The following GJC1 variants were observed in gnomAD, a reference collection of about 807,000 sequenced individuals.
GJC1 encodes gap junction protein gamma 1.
GJC1 carries 5 observed loss-of-function variants against 29.3 expected under a neutral mutation model. The ratio of observed to expected loss-of-function variants is 0.17; its 90% CI spans 0.09 to 0.36. The LOEUF (loss-of-function observed/expected upper bound fraction) is 0.36. Ranked by LOEUF, GJC1 falls within the 10% of genes least tolerant of loss-of-function variation. The pLI is 1.00. For missense variants in GJC1, 310 were observed against 496.2 expected (o/e 0.62, Z 3.56); for synonymous variants, 177 against 183.3 (o/e 0.97, Z 0.28).
chr17:44,822,548 C>T (rs1361573535), intron 1 of GJC1, among the ~76,000 whole-genome samples: 3 of 146,606 alleles, frequency 2.0e-5, no homozygotes, highest in Non-Finnish European at 3.0e-5. Flanking sequence ...GAGGCTGAGG[C>T]AGGAGAATCG....
chr17:44,797,365 G>C (rs2049790401), downstream of GJC1, among the ~76,000 whole-genome samples: 1 of 152,098 alleles, frequency 6.6e-6, no homozygotes, highest in Admixed American at 6.6e-5. Context: ...CTTGGCCTAG[G>C]AATCTGTATG....
intron 1 of GJC1, among the ~76,000 whole-genome samples, chr17:44,824,848 GA>G (rs1290992532): frequency 8.2e-6 from 1 of 121,638 alleles, no homozygotes; most frequent in Non-Finnish European, 1.7e-5. Flanking sequence ...GCAATAGTGA[GA>G]AGGGGGGGAA....
intron 1 of GJC1, among the ~76,000 whole-genome samples, chr17:44,826,691 T>A (rs967484994): frequency 6.6e-6 from 1 of 152,184 alleles, no homozygotes; most frequent in African/African-American, 2.4e-5. Context: ...CAAGAATGTA[T>A]AACTGTATGC....
At position 44,800,740 on chromosome 17, in the gene GJC1, G is replaced by A. The variant is rs928699598; in HGVS notation, c.*3887C>T. 4.0e-5 allele frequency: 6 copies of A among 151,690 alleles called. No individual in the cohort carries two copies. The highest frequency in any genetic ancestry group is 1.5e-4 in the African/African-American group (6 of 41,290). The allele number at this position is 151,690 out of a possible 1,614,324, so 9.4% of individuals were successfully genotyped here. On this transcript the variant is annotated 3_prime_UTR_variant, in exon 3 of 3. Coordinates refer to ENST00000592524, the MANE Select transcript of GJC1 (RefSeq NM_005497.4). ...CATCACAGTCCAACTTTTTTTTTAA[G>A]CGCCAAGTTCAAACAAGTGACCAAT...
At chr17:44,812,631 G>A (rs562075184) in intron 1 of GJC1, among the ~76,000 whole-genome samples, 2 of 151,880 alleles carry the variant, frequency 1.3e-5, no homozygotes, top group East Asian at 1.9e-4. Flanking sequence ...TTTACTAAGG[G>A]ATCTAGTAGT....
chr17:44,817,402 G>A (rs1450569104), intron 1 of GJC1, among the ~76,000 whole-genome samples: 1 of 151,080 alleles, frequency 6.6e-6, no homozygotes, highest in African/African-American at 2.4e-5. Flanking sequence ...CAGTCTTTAG[G>A]ATCAGAACTG....
chr17:44,826,455 G>A (rs991225122), intron 1 of GJC1, among the ~76,000 whole-genome samples: 6 of 151,838 alleles, frequency 4.0e-5, no homozygotes, highest in African/African-American at 9.7e-5. Context: ...GCATGAACTC[G>A]GGAGGTGGAG....
chr17:44,817,920 A>G (rs764411176), intron 1 of GJC1, among the ~76,000 whole-genome samples: 10 of 149,886 alleles, frequency 6.7e-5, no homozygotes, highest in Non-Finnish European at 1.3e-4. Context: ...ACAACAAAAG[A>G]AAAAGCACAA....
At chr17:44,817,198 G>T (rs1468516137) in intron 1 of GJC1, among the ~76,000 whole-genome samples, 1 of 150,896 alleles carries the variant, frequency 6.6e-6, no homozygotes, top group Non-Finnish European at 1.5e-5. Flanking sequence ...AAGAGCAAAA[G>T]TCTGTCTCAA....
intron 1 of GJC1, among the ~76,000 whole-genome samples, chr17:44,816,631 G>C (rs1300326327): frequency 1.3e-5 from 2 of 151,952 alleles, no homozygotes; most frequent in South Asian, 4.2e-4. Context: ...TCAGCTTCTC[G>C]AGTAGCTGGG....
Position 44,805,174 on chromosome 17 carries a change from G to A in GJC1, c.644C>T (p.Pro215Leu). 6.2e-7 allele frequency: 1 copy of A among 1,614,092 alleles called. No homozygotes were observed. The highest frequency in any genetic ancestry group is 1.3e-5 in the African/African-American group (1 of 75,020). Residue 215 changes from proline to leucine, a missense_variant, in exon 3 of 3, where the codon CCT (proline) becomes CTT (leucine). Physicochemically the swap from Pro to Leu is moderately conservative, Grantham distance 98. Around this residue, in one of 4 missense-constraint regions of GJC1, gnomAD observed 45 missense variants for 126.2 expected, o/e 0.36. Coordinates refer to ENST00000592524, the MANE Select transcript of GJC1 (RefSeq NM_005497.4). This position sits in a 1 kb window ranked among gnomAD's most constrained non-coding sequence, Gnocchi z 5.1. ...PFYVCSRLPCPHKIDCFISRP... is the reference protein window; with the variant it reads ...PFYVCSRLPCLHKIDCFISRP... ...AGAAATAAAGCAGTCTATCTTATGA[G>A]GACAAGGAAGTCTGCTGCACACATA...
chr17:44,825,520 C>T (rs759259187), intron 1 of GJC1, among the ~76,000 whole-genome samples: 11 of 151,834 alleles, frequency 7.2e-5, no homozygotes, highest in Non-Finnish European at 1.3e-4. Flanking sequence ...CAGTGGTTCG[C>T]GTCTGTAATC....
At chr17:44,823,494 C>A (rs1361990487) in intron 1 of GJC1, among the ~76,000 whole-genome samples, 1 of 151,860 alleles carries the variant, frequency 6.6e-6, no homozygotes, top group African/African-American at 2.4e-5. Context: ...TCATGATCCC[C>A]CCGCCTCGGC....
At chr17:44,808,119 T>C (rs567901521) in intron 1 of GJC1, among the ~76,000 whole-genome samples, 3 of 152,126 alleles carry the variant, frequency 2.0e-5, no homozygotes, top group African/African-American at 7.2e-5. Flanking sequence ...CCAAATGTCA[T>C]CCATAAGGCG....
At position 44,830,098 on chromosome 17, in the gene GJC1, G is replaced by C. The variant is rs2050215437; in HGVS notation, c.-133C>G. On this transcript the variant is annotated 5_prime_UTR_variant, in exon 1 of 3. Coordinates refer to ENST00000592524, the MANE Select transcript of GJC1 (RefSeq NM_005497.4). This position sits in a 1 kb window ranked among gnomAD's most constrained non-coding sequence, Gnocchi z 4.3. ...TTCCCCCGGAGCCGCCTCCTCCGCCGGGCCTCGGCCCGTCCCGCCGGTCGC... is the reference window on the plus strand; with the variant it reads ...TTCCCCCGGAGCCGCCTCCTCCGCCCGGCCTCGGCCCGTCCCGCCGGTCGC... The C allele has an allele frequency of 6.6e-6, 1 of 152,416 alleles. No homozygotes were observed. Among genetic ancestry groups the C allele is most frequent in the African/African-American group, 2.4e-5 (1 of 41,398 alleles). The allele number at this position is 152,416 out of a possible 1,614,324, so 9.4% of individuals were successfully genotyped here.
rs1211436759 is a variant in GJC1, at chr17:44,805,311, C to T, written c.507G>A (p.Arg169=). 6.2e-7 allele frequency: 1 copy of T among 1,614,094 alleles called. No homozygotes were observed. The highest frequency in any genetic ancestry group is 2.2e-5 in the East Asian group (1 of 44,902). The part of the protein sequence containing the change: ...KPKHDGRRRI[R]EDGLMKIYVL... Reference sequence around the variant, plus strand: ...CATAGATTTTCATGAGCCCATCTTCCCGAATCCGTCGTCGGCCATCATGCT... The same window carrying T: ...CATAGATTTTCATGAGCCCATCTTCTCGAATCCGTCGTCGGCCATCATGCT... The change falls in exon 3 of 3, where the codon CGG becomes CGA. Residue 169 remains arginine (R), a synonymous_variant. Transcript: ENST00000592524. The surrounding 1 kb of genome is among the most constrained non-coding windows in gnomAD (Gnocchi z 5.1).
chr17:44,824,915 GA>G (rs552854574), intron 1 of GJC1, among the ~76,000 whole-genome samples: 1,206 of 88,680 alleles, frequency 0.014, 12 homozygotes, highest in East Asian at 0.13. Context: ...TTTTGGGGAA[GA>G]AAAAAAAAAA....
chr17:44,797,289 G>C (rs1207410874), downstream of GJC1, among the ~76,000 whole-genome samples: 1 of 152,084 alleles, frequency 6.6e-6, no homozygotes, highest in Non-Finnish European at 1.5e-5. Flanking sequence ...TGTATTTTTA[G>C]TAGAGATGGG....
Position 44,819,769 on chromosome 17 carries a change from T to G in GJC1, c.-97+10293A>C, listed in dbSNP as rs113412645. On this transcript the variant is annotated intron_variant, in intron 1 of 2. Coordinates refer to ENST00000592524, the MANE Select transcript of GJC1 (RefSeq NM_005497.4). ...CCATAGTATGTACATACCACGTTTT[T>G]TTTATCCATTCATCTGTTGACAGAC... Among the ~76,000 whole-genome samples, 634 of 152,332 alleles carry G rather than the reference T, an allele frequency of 4.2e-3. 2 individuals are homozygous for G. Among genetic ancestry groups the G allele is most frequent in the African/African-American group, 0.014 (594 of 41,572 alleles).
Sources: allele counts gnomAD v4.1 joint callset (sites outside exome capture counted in the v4.1 genomes callset), GRCh38; gene constraint gnomAD v4.1.1; regional missense constraint gnomAD v4.1.1; non-coding constraint Gnocchi (gnomAD v3.1); transcripts MANE v1.5; gene names NCBI Gene and HGNC (gene_info 2026-07-23, HGNC 2026-07-21).